The following FRAS1 variants were observed in gnomAD, a reference collection of about 807,000 sequenced individuals.
FRAS1 encodes the protein extracellular matrix organizing protein FRAS1.
Under a neutral mutation model 435.2 loss-of-function variants are expected in FRAS1, and 290 were observed. The observed-to-expected ratio is 0.67, with a 90% CI of 0.61 to 0.73. The LOEUF (loss-of-function observed/expected upper bound fraction) is 0.73. Ranked by LOEUF, FRAS1 falls within the 30% of genes least tolerant of loss-of-function variation. The probability of loss-of-function intolerance (pLI) is 0.00; values close to 1 mark genes in which losing one functional copy is unlikely to be tolerated. For missense variants in FRAS1, 4,860 were observed against 5,001.5 expected, an observed-to-expected ratio of 0.97 and a Z score of 0.85; for synonymous variants, 1,800 against 1,851.0, an observed-to-expected ratio of 0.97 and a Z score of 0.71.
chr4:78,143,742 TA>T (rs1299470131), intron 2 of FRAS1, among the ~76,000 whole-genome samples: 3 of 134,264 alleles, frequency 2.2e-5, no homozygotes, highest in Admixed American at 7.6e-5. Flanking sequence ...CTAAAAATAA[TA>T]AAAAAAAAAA....
At chr4:78,445,382 GT>G (rs1718770780) in intron 41 of FRAS1, 139 bp from the exon 42 acceptor site, 1 of 1,139,868 alleles carries the variant, frequency 8.8e-7, no homozygotes, top group African/African-American at 1.6e-5. Flanking sequence ...TCCTGGTCTT[GT>G]GCTTATCCCA....
rs376607294 is a variant in FRAS1, at chr4:78,475,462, G to A, written c.7707G>A (p.Gly2569=). Residue 2569 remains glycine, a synonymous_variant, in exon 54 of 74, where the codon GGG becomes GGA. Coordinates refer to ENST00000512123, the MANE Select transcript of FRAS1 (RefSeq NM_025074.7). ...GCTACAATGTCAGTGAGAAGGCAGGGTCTGTCAGTGTCACGGTGCAGAGGA... is the reference window on the plus strand; with the variant it reads ...GCTACAATGTCAGTGAGAAGGCAGGATCTGTCAGTGTCACGGTGCAGAGGA... ...YTSYNVSEKA[G]SVSVTVQRTG... 5.6e-6 allele frequency: 9 copies of A among 1,613,824 alleles called. No homozygotes were observed. The highest frequency in any genetic ancestry group is 2.2e-5 in the East Asian group (1 of 44,880).
chr4:78,421,097 G>A (rs1246934034), intron 33 of FRAS1, among the ~76,000 whole-genome samples: 1 of 151,368 alleles, frequency 6.6e-6, no homozygotes, highest in African/African-American at 2.4e-5. Flanking sequence ...AGGCTAGGAG[G>A]CTAAGCCAGT....
chr4:78,538,090 G>T lies in FRAS1; in HGVS notation c.11298+890G>T, dbSNP rs922900464. 4.6e-5 allele frequency among the ~76,000 whole-genome samples: 7 copies of T among 152,154 alleles called. 1 individual carries two copies. Among genetic ancestry groups the T allele is most frequent in the Non-Finnish European group, 1.0e-4 (7 of 68,032 alleles). The stretch of plus-strand genomic sequence containing the variant: ...ATTCAGAAGCAGTTATGAGAATCCA[G>T]TTTTTTCCCTGAGATTACAAAAATG... On this transcript the variant is annotated intron_variant, in intron 72 of 73. Transcript: ENST00000512123.
At chr4:78,346,752 C>T (rs528702386) in intron 20 of FRAS1, among the ~76,000 whole-genome samples, 92 of 152,200 alleles carry the variant, frequency 6.0e-4, no homozygotes, top group African/African-American at 2.0e-3. Flanking sequence ...TCTTCTATTA[C>T]CTCTTTTTCC....
At chr4:78,170,374 A>G (rs1453176696) in intron 2 of FRAS1, among the ~76,000 whole-genome samples, 1 of 152,148 alleles carries the variant, frequency 6.6e-6, no homozygotes, top group Non-Finnish European at 1.5e-5. Context: ...ACCGGTAGTG[A>G]TATTTCTCCT....
intron 2 of FRAS1, among the ~76,000 whole-genome samples, chr4:78,228,356 A>G (rs1386997507): frequency 6.6e-6 from 1 of 152,186 alleles, no homozygotes; most frequent in East Asian, 1.9e-4. Flanking sequence ...TAACATCTCT[A>G]GGAATTTATA....
chr4:78,530,010 C>T (rs1721661384), intron 70 of FRAS1, among the ~76,000 whole-genome samples: 1 of 152,022 alleles, frequency 6.6e-6, no homozygotes, highest in African/African-American at 2.4e-5. Context: ...TTTTTTAACT[C>T]AGTGAATCAT....
At chr4:78,127,652 CA>C (rs33956178) in intron 2 of FRAS1, among the ~76,000 whole-genome samples, 32,453 of 151,140 alleles carry the variant, frequency 0.21, 3,786 homozygotes, top group Admixed American at 0.28. Context: ...AACAAACAAA[CA>C]AACAAACAAC....
chr4:78,258,586 A>G (rs72864541), intron 6 of FRAS1, among the ~76,000 whole-genome samples: 10 of 123,594 alleles, frequency 8.1e-5, no homozygotes, highest in African/African-American at 2.6e-4. Flanking sequence ...CATGCAGCTA[A>G]TTTTACTCTA....
At chr4:78,466,521 T>A in intron 50 of FRAS1, 86 bp downstream of exon 50, 1 of 1,008,030 alleles carries the variant, frequency 9.9e-7, no homozygotes, top group Non-Finnish European at 1.5e-6. Context: ...ATACCATTGT[T>A]TGAGTTCTCG....
chr4:78,368,799 G>T (rs1731381199), intron 22 of FRAS1, among the ~76,000 whole-genome samples: 1 of 152,210 alleles, frequency 6.6e-6, no homozygotes, highest in South Asian at 2.1e-4. Flanking sequence ...AAGACTCGGA[G>T]ATTATATTAA....
chr4:78,194,275 T>C (rs1722695164), intron 2 of FRAS1, among the ~76,000 whole-genome samples: 1 of 152,184 alleles, frequency 6.6e-6, no homozygotes. Flanking sequence ...TCGAGGAATA[T>C]CTTTGTGGCA....
chr4:78,371,206 G>T (rs776323872), intron 23 of FRAS1, among the ~76,000 whole-genome samples: 1 of 151,434 alleles, frequency 6.6e-6, no homozygotes, highest in Non-Finnish European at 1.5e-5. Context: ...AGTTTTCAAG[G>T]CTCTGTTTTA....
At chr4:78,368,866 T>A (rs1731382451) in intron 22 of FRAS1, among the ~76,000 whole-genome samples, 2 of 152,080 alleles carry the variant, frequency 1.3e-5, no homozygotes, top group Admixed American at 1.3e-4. Context: ...ATGGAGGGAA[T>A]GGTAGGGGAG....
intron 20 of FRAS1, among the ~76,000 whole-genome samples, chr4:78,361,322 T>C (rs182435685): frequency 6.6e-6 from 1 of 152,330 alleles, no homozygotes; most frequent in East Asian, 1.9e-4. Context: ...TTTCCCTCAA[T>C]GCAGTCATAA....
chr4:78,191,339 T>A (rs1382215060), intron 2 of FRAS1, among the ~76,000 whole-genome samples: 1 of 152,218 alleles, frequency 6.6e-6, no homozygotes, highest in East Asian at 1.9e-4. Flanking sequence ...TTTAAAAAGA[T>A]GTACCAATTG....
At chr4:78,341,756 G>A (rs1730405783) in intron 20 of FRAS1, among the ~76,000 whole-genome samples, 1 of 152,118 alleles carries the variant, frequency 6.6e-6, no homozygotes, top group South Asian at 2.1e-4. Flanking sequence ...CCAAGGGTAG[G>A]AATAGATCTA....
At chr4:78,430,193 C>T in intron 36 of FRAS1, 99 bp from the exon 37 acceptor site, 2 of 1,420,798 alleles carry the variant, frequency 1.4e-6, no homozygotes, top group Non-Finnish European at 2.0e-6. Flanking sequence ...TCAGATTACC[C>T]ACAGCATGAC....
Sources: allele counts gnomAD v4.1 joint callset (sites outside exome capture counted in the v4.1 genomes callset), GRCh38; gene constraint gnomAD v4.1.1; transcripts MANE v1.5; gene names NCBI Gene and HGNC (gene_info 2026-07-23, HGNC 2026-07-21).